Variants in PAK5 observed in about 807,000 individuals in gnomAD.
PAK5 encodes the protein p21 (RAC1) activated kinase 5.
Under a neutral mutation model 65.9 loss-of-function variants are expected in PAK5, and 16 were observed. The observed-to-expected ratio is 0.24, with a 90% confidence interval of 0.16 to 0.37. PAK5 has a LOEUF of 0.37. Among genes scored for constraint, PAK5 ranks in the 10% least tolerant of loss-of-function variants. The pLI is 1.00. For missense variants in PAK5, 785 were observed against 903.9 expected, an observed-to-expected ratio of 0.87 and a Z score of 1.69; for synonymous variants, 371 against 354.9, an observed-to-expected ratio of 1.05 and a Z score of -0.51.
chr20:9,683,546 A>C (rs536609020), intron 2 of PAK5, among the ~76,000 whole-genome samples: 2 of 151,664 alleles, frequency 1.3e-5, no homozygotes, highest in Admixed American at 6.6e-5. Flanking sequence ...TTACACATGG[A>C]TTTGTCTGAG....
chr20:9,569,686 TAAG>T (rs1376768191), intron 4 of PAK5, among the ~76,000 whole-genome samples: 4 of 152,000 alleles, frequency 2.6e-5, no homozygotes, highest in African/African-American at 9.7e-5. Context: ...CCACGATGCA[TAAG>T]AAGGTAGTCA....
chr20:9,784,968 T>C (rs2048977679), intron 1 of PAK5, among the ~76,000 whole-genome samples: 1 of 152,106 alleles, frequency 6.6e-6, no homozygotes, highest in African/African-American at 2.4e-5. Flanking sequence ...ACATTTCCTT[T>C]ATTTTAATAT....
rs900071690 is a variant in PAK5, at chr20:9,816,582, T to G, written c.-162+22180A>C. On this transcript the variant is annotated intron_variant, in intron 1 of 9. Transcript: ENST00000353224. ...TGCTCTCTGCTTAACTGCTTGAGCT[T>G]GGACATCAGTCTTATCTCCTGTTCT... Among the ~76,000 whole-genome samples, 4 of 152,154 alleles carry G rather than the reference T, an allele frequency of 2.6e-5. No homozygotes were observed. In the South Asian group the frequency reaches 8.3e-4, roughly 32 times the overall value.
chr20:9,833,692 G>A (rs1398522544), intron 1 of PAK5, among the ~76,000 whole-genome samples: 1 of 152,008 alleles, frequency 6.6e-6, no homozygotes, highest in Non-Finnish European at 1.5e-5. Flanking sequence ...ATTTTGTAAG[G>A]TTCTCCCAAA....
chr20:9,833,406 A>G (rs749533934), intron 1 of PAK5, among the ~76,000 whole-genome samples: 1 of 151,762 alleles, frequency 6.6e-6, no homozygotes, highest in Non-Finnish European at 1.5e-5. Context: ...TACCACTACC[A>G]CTTCCATCTA....
chr20:9,660,132 C>A (rs1441071229), intron 2 of PAK5, among the ~76,000 whole-genome samples: 1 of 152,016 alleles, frequency 6.6e-6, no homozygotes, highest in Non-Finnish European at 1.5e-5. Context: ...CAGCCTGCCA[C>A]CTGAGGCTCT....
chr20:9,604,806 T>C (rs1265365617), intron 3 of PAK5, among the ~76,000 whole-genome samples: 1 of 152,148 alleles, frequency 6.6e-6, no homozygotes, highest in Non-Finnish European at 1.5e-5. Context: ...CAAGGGGCCA[T>C]GGAATGCTGT....
chr20:9,551,651 T>G (rs1283356935), intron 7 of PAK5, among the ~76,000 whole-genome samples: 1 of 152,188 alleles, frequency 6.6e-6, no homozygotes, highest in African/African-American at 2.4e-5. Flanking sequence ...GGGTCTTGGC[T>G]AATGCAAAAG....
At chr20:9,766,786 T>C (rs1296177511) in intron 1 of PAK5, among the ~76,000 whole-genome samples, 3 of 151,972 alleles carry the variant, frequency 2.0e-5, no homozygotes, top group Non-Finnish European at 4.4e-5. Flanking sequence ...AAAAGGGGCA[T>C]ATGGGAGACT....
chr20:9,699,420 T>G (rs1321734840), intron 2 of PAK5, among the ~76,000 whole-genome samples: 1 of 152,036 alleles, frequency 6.6e-6, no homozygotes, highest in Non-Finnish European at 1.5e-5. Flanking sequence ...ACAATCTGTA[T>G]GGAAACACCA....
chr20:9,708,120 T>C (rs1485431286), intron 2 of PAK5, among the ~76,000 whole-genome samples: 4 of 152,192 alleles, frequency 2.6e-5, no homozygotes, highest in Non-Finnish European at 4.4e-5. Flanking sequence ...AATTTTTGTT[T>C]TGTATCTCAG....
At chr20:9,543,480 C>T (rs539023921) in intron 8 of PAK5, among the ~76,000 whole-genome samples, 4 of 152,202 alleles carry the variant, frequency 2.6e-5, no homozygotes, top group East Asian at 1.9e-4. Context: ...GTGACCTTCA[C>T]CGAGAATTTC....
At chr20:9,771,145 C>T (rs777944278) in intron 1 of PAK5, among the ~76,000 whole-genome samples, 20 of 152,138 alleles carry the variant, frequency 1.3e-4, no homozygotes, top group Non-Finnish European at 2.6e-4. Flanking sequence ...CTAGTCAAAC[C>T]CATTTTACAG....
At chr20:9,727,517 T>C (rs1013710774) in intron 1 of PAK5, among the ~76,000 whole-genome samples, 4 of 152,212 alleles carry the variant, frequency 2.6e-5, no homozygotes, top group Non-Finnish European at 5.9e-5. Context: ...TTAGTATCTG[T>C]CAGTAGATTG....
At chr20:9,679,420 G>C (rs1973072575) in intron 2 of PAK5, among the ~76,000 whole-genome samples, 1 of 152,136 alleles carries the variant, frequency 6.6e-6, no homozygotes, top group Admixed American at 6.5e-5. Flanking sequence ...GTGCTTTTAA[G>C]ATTCTTGGTA....
intron 1 of PAK5, among the ~76,000 whole-genome samples, chr20:9,780,759 C>T (rs2048932816): frequency 6.6e-6 from 1 of 152,100 alleles, no homozygotes; most frequent in Admixed American, 6.5e-5. Context: ...TAAATCTTTT[C>T]ACATGGTATA....
chr20:9,588,077 A>G (rs539754376), intron 3 of PAK5, among the ~76,000 whole-genome samples: 2 of 152,158 alleles, frequency 1.3e-5, no homozygotes, highest in Non-Finnish European at 2.9e-5. Context: ...GATGACTTCC[A>G]TTTATTTCAC....
At chr20:9,597,252 G>A (rs2046287022) in intron 3 of PAK5, among the ~76,000 whole-genome samples, 1 of 152,154 alleles carries the variant, frequency 6.6e-6, no homozygotes, top group South Asian at 2.1e-4. Flanking sequence ...TTGCTTTGAA[G>A]GCTCTCTCCA....
intron 9 of PAK5, among the ~76,000 whole-genome samples, chr20:9,541,877 T>C (rs2045269893): frequency 6.6e-6 from 1 of 152,176 alleles, no homozygotes; most frequent in South Asian, 2.1e-4. Flanking sequence ...GTCTGGCATT[T>C]CCCCTGTGCG....
Sources: gnomAD v4.1 joint callset for allele counts (sites outside exome capture counted in the v4.1 genomes callset) on GRCh38, gnomAD v4.1.1 for gene constraint, MANE v1.5 for transcripts, NCBI Gene and HGNC (gene_info 2026-07-23, HGNC 2026-07-21) for gene names.